Variants in PCGF5 observed in about 807,000 individuals in gnomAD.
The protein encoded by PCGF5 is polycomb group ring finger 5, also known as polycomb group RING finger protein 5.
PCGF5 carries 9 observed loss-of-function variants against 44.3 expected under a neutral mutation model. The ratio of observed to expected loss-of-function variants is 0.20; its 90% confidence interval spans 0.12 to 0.35. PCGF5 has a LOEUF of 0.35. PCGF5 is among the 10% of genes least tolerant of loss of function. The probability of loss-of-function intolerance (pLI) is 1.00; values close to 1 mark genes in which losing one functional copy is unlikely to be tolerated. For missense variants in PCGF5, 146 were observed against 305.3 expected, an observed-to-expected ratio of 0.48 and a Z score of 3.89; for synonymous variants, 95 against 102.5, an observed-to-expected ratio of 0.93 and a Z score of 0.44.
intron 1 of PCGF5, among the ~76,000 whole-genome samples, chr10:91,178,229 A>G: frequency 6.6e-6 from 1 of 152,212 alleles, no homozygotes; most frequent in African/African-American, 2.4e-5. Flanking sequence ...AGCCATAATT[A>G]TATCAATAAT....
intron 1 of PCGF5, among the ~76,000 whole-genome samples, chr10:91,187,679 A>G (rs1198833594): frequency 6.6e-6 from 1 of 152,200 alleles, no homozygotes; most frequent in Non-Finnish European, 1.5e-5. Flanking sequence ...TATATACACA[A>G]CTTCAATGCT....
intron 1 of PCGF5, among the ~76,000 whole-genome samples, chr10:91,183,408 A>G (rs1180019391): frequency 2.3e-4 from 33 of 145,056 alleles, no homozygotes. Flanking sequence ...TGAGATTGCA[A>G]CCTCTGCTTT....
chr10:91,238,802 T>C (rs757707788), intron 2 of PCGF5, among the ~76,000 whole-genome samples: 48 of 151,954 alleles, frequency 3.2e-4, no homozygotes, highest in Non-Finnish European at 6.2e-4. Flanking sequence ...AGAAACCCTT[T>C]TGGGGACAAG....
At chr10:91,158,213 T>C (rs190129734), upstream of PCGF5, among the ~76,000 whole-genome samples, 3 of 152,322 alleles carry the variant, frequency 2.0e-5, no homozygotes, top group East Asian at 5.8e-4. Flanking sequence ...TGGTGTGATA[T>C]GAAGGTGTTG....
intron 1 of PCGF5, among the ~76,000 whole-genome samples, chr10:91,213,589 C>A (rs12256855): frequency 6.6e-6 from 1 of 151,816 alleles, no homozygotes; most frequent in South Asian, 2.1e-4. Context: ...CTCAGCCTCC[C>A]GAGTAGCTGG....
intron 1 of PCGF5, among the ~76,000 whole-genome samples, chr10:91,174,836 G>C (rs7908053): frequency 6.6e-6 from 1 of 152,120 alleles, no homozygotes; most frequent in Non-Finnish European, 1.5e-5. Context: ...TGGATGGAAC[G>C]CATGTGTTTA....
At chr10:91,256,233 G>T (rs1564652075) in intron 6 of PCGF5, among the ~76,000 whole-genome samples, 1 of 152,012 alleles carries the variant, frequency 6.6e-6, no homozygotes, top group Non-Finnish European at 1.5e-5. Context: ...ATACAAGAAT[G>T]ATCTCACCAA....
At chr10:91,246,864 T>G (rs1845472887) in intron 3 of PCGF5, among the ~76,000 whole-genome samples, 1 of 152,040 alleles carries the variant, frequency 6.6e-6, no homozygotes, top group South Asian at 2.1e-4. Flanking sequence ...CATAGATTAA[T>G]AAAAGGAGGT....
upstream of PCGF5, among the ~76,000 whole-genome samples, chr10:91,216,462 T>C (rs1383398892): frequency 6.6e-6 from 1 of 152,148 alleles, no homozygotes; most frequent in East Asian, 1.9e-4. Flanking sequence ...TGACAGGGAT[T>C]TGAAATGGCC....
intron 1 of PCGF5, among the ~76,000 whole-genome samples, chr10:91,165,468 G>C (rs1843482759): frequency 6.6e-6 from 1 of 152,162 alleles, no homozygotes; most frequent in Admixed American, 6.5e-5. Flanking sequence ...TGCAGTTTGG[G>C]AAGGTTCATA....
intron 1 of PCGF5, among the ~76,000 whole-genome samples, chr10:91,209,060 A>C (rs1844400405): frequency 6.6e-6 from 1 of 152,174 alleles, no homozygotes; most frequent in African/African-American, 2.4e-5. Flanking sequence ...GGCCATTTGT[A>C]GTTTGTTACT....
chr10:91,259,859 A>T lies in PCGF5; in HGVS notation c.475-1467A>T, dbSNP rs569409737. On this transcript the variant is annotated intron_variant, in intron 6 of 9. Coordinates refer to ENST00000336126, the MANE Select transcript of PCGF5 (RefSeq NM_032373.5). ...ACATGTTAGACCTAAAACCATAAAA[A>T]CCCTAGAAGAAAACCTAGGCAATAC... Among the ~76,000 whole-genome samples the T allele has an allele frequency of 5.3e-4, 80 of 152,260 alleles. 3 individuals are homozygous for T. The South Asian group carries it at 0.016, about 31-fold the overall frequency.
At chr10:91,228,366 T>G (rs1470068926) in intron 2 of PCGF5, among the ~76,000 whole-genome samples, 1 of 152,068 alleles carries the variant, frequency 6.6e-6, no homozygotes, top group Admixed American at 6.5e-5. Flanking sequence ...TCTAAGAATC[T>G]AGTGATTCTT....
intron 1 of PCGF5, among the ~76,000 whole-genome samples, chr10:91,209,057 T>G (rs756043708): frequency 6.6e-6 from 1 of 152,246 alleles, no homozygotes; most frequent in African/African-American, 2.4e-5. Context: ...TCTGGCCATT[T>G]GTAGTTTGTT....
At chr10:91,197,690 C>T (rs1374603279) in intron 1 of PCGF5, among the ~76,000 whole-genome samples, 1 of 104,652 alleles carries the variant, frequency 9.6e-6, no homozygotes, top group Non-Finnish European at 2.8e-5. Context: ...TTACTGACTC[C>T]TCTGTCAACC....
intron 9 of PCGF5, among the ~76,000 whole-genome samples, chr10:91,275,445 A>T (rs139449450): frequency 8.3e-5 from 12 of 144,916 alleles, no homozygotes; most frequent in African/African-American, 1.2e-4. Context: ...ACTACATTTT[A>T]TTTTTTTTTT....
intron 2 of PCGF5, among the ~76,000 whole-genome samples, chr10:91,226,216 C>A (rs773000629): frequency 1.3e-4 from 16 of 127,916 alleles, no homozygotes; most frequent in Non-Finnish European, 2.0e-4. Context: ...AATTGGTGTG[C>A]AAAACCAGAC....
At chr10:91,202,667 C>T (rs1197605005) in intron 1 of PCGF5, among the ~76,000 whole-genome samples, 2 of 152,058 alleles carry the variant, frequency 1.3e-5, no homozygotes, top group African/African-American at 2.4e-5. Flanking sequence ...CCTTCTTGTA[C>T]TTAATTGGTT....
chr10:91,238,300 C>T (rs1845222590), intron 2 of PCGF5, among the ~76,000 whole-genome samples: 1 of 152,194 alleles, frequency 6.6e-6, no homozygotes, highest in South Asian at 2.1e-4. Flanking sequence ...AAGCAATTAG[C>T]ATAACTTTAC....
Sources: allele counts gnomAD v4.1 joint callset (sites outside exome capture counted in the v4.1 genomes callset), GRCh38; gene constraint gnomAD v4.1.1; transcripts MANE v1.5; gene names NCBI Gene and HGNC (gene_info 2026-07-23, HGNC 2026-07-21).